MAP3K5: variants seen among roughly 807,000 people sequenced by gnomAD.
The protein encoded by MAP3K5 is ASK-1.
Under a neutral mutation model 158.7 loss-of-function variants are expected in MAP3K5, and 56 were observed. The observed-to-expected ratio is 0.35, with a 90% CI of 0.28 to 0.44. The LOEUF is 0.44. Among genes scored for constraint, MAP3K5 ranks in the 20% least tolerant of loss-of-function variants. MAP3K5 has a pLI of 1.00. For synonymous variants in MAP3K5, 579 were observed against 601.7 expected (o/e 0.96, Z 0.55); for missense variants, 1,294 against 1,674.8 (o/e 0.77, Z 3.97).
intron 1 of MAP3K5, among the ~76,000 whole-genome samples, chr6:136,767,632 C>T (rs1390701568): frequency 3.9e-5 from 6 of 152,008 alleles, no homozygotes; most frequent in East Asian, 3.9e-4. Context: ...GAAAGAATAT[C>T]GGGGACAGTT....
At chr6:136,708,453 A>G (rs1583455375) in intron 2 of MAP3K5, among the ~76,000 whole-genome samples, 1 of 151,944 alleles carries the variant, frequency 6.6e-6, no homozygotes, top group East Asian at 1.9e-4. Context: ...ATGGGGTTTC[A>G]CCATGTTTCC....
intron 21 of MAP3K5, among the ~76,000 whole-genome samples, chr6:136,593,031 T>C (rs1429720572): frequency 6.6e-6 from 1 of 152,188 alleles, no homozygotes; most frequent in Admixed American, 6.5e-5. Context: ...CATTAGCATC[T>C]TGGGGCTGCC....
At position 136,592,246 on chromosome 6, in the gene MAP3K5, C is replaced by A. The variant is rs753274119; in HGVS notation, c.3152G>T (p.Arg1051Leu). 1.9e-6 allele frequency: 3 copies of A among 1,612,428 alleles called. No individual in the cohort carries two copies. The highest frequency in any genetic ancestry group is 2.5e-6 in the Non-Finnish European group (3 of 1,179,332). ...CGTCAGGATCCTGTGAAGGGTAGCT[C>A]GCCTCTCACTGTCCTTCCTCAGCAT... The part of the protein sequence containing the change: ...FFMLRKDSER[R>L]ATLHRILTED... The change falls in exon 23 of 30, where the codon CGA (arginine) becomes CTA (leucine). Residue 1051 changes from arginine to leucine, a missense_variant. This residue lies in a region of MAP3K5 where 362 missense variants were observed against 463.2 expected (regional missense o/e 0.78). Transcript: ENST00000359015.
intron 1 of MAP3K5, among the ~76,000 whole-genome samples, chr6:136,750,459 C>T (rs1783156270): frequency 1.3e-5 from 2 of 152,192 alleles, no homozygotes; most frequent in South Asian, 4.1e-4. Flanking sequence ...ATAAATACCT[C>T]TTCTCATGCC....
chr6:136,717,630 C>A (rs909477685), intron 2 of MAP3K5, among the ~76,000 whole-genome samples: 2 of 152,206 alleles, frequency 1.3e-5, no homozygotes, highest in Non-Finnish European at 2.9e-5. Flanking sequence ...TCTTTCATGG[C>A]AGTTTTCCTA....
At chr6:136,735,767 TAC>T (rs1392747644) in intron 1 of MAP3K5, among the ~76,000 whole-genome samples, 1 of 152,028 alleles carries the variant, frequency 6.6e-6, no homozygotes, top group Non-Finnish European at 1.5e-5. Context: ...AGTTCAAGGT[TAC>T]AGTGAGCTAT....
intron 19 of MAP3K5, among the ~76,000 whole-genome samples, chr6:136,603,946 G>A (rs1170546747): frequency 4.6e-5 from 7 of 152,174 alleles, no homozygotes; most frequent in Non-Finnish European, 8.8e-5. Flanking sequence ...ACAACACATG[G>A]CCCCTCACAA....
chr6:136,754,724 C>G (rs1365094143), intron 1 of MAP3K5, among the ~76,000 whole-genome samples: 1 of 152,154 alleles, frequency 6.6e-6, no homozygotes, highest in Admixed American at 6.5e-5. Context: ...AAGAATGCTT[C>G]GGGAAGAACA....
intron 1 of MAP3K5, among the ~76,000 whole-genome samples, chr6:136,757,590 T>A (rs564923222): frequency 0.12 from 17,669 of 141,648 alleles, 1,454 homozygotes; most frequent in African/African-American, 0.24. Context: ...TTTTTTATTT[T>A]TTTTTTTTTT....
At chr6:136,564,641 A>T (rs1774011329) in intron 26 of MAP3K5, among the ~76,000 whole-genome samples, 1 of 152,222 alleles carries the variant, frequency 6.6e-6, no homozygotes, top group Admixed American at 6.5e-5. Context: ...GAACACAGTG[A>T]TGTTTTCTAG....
At chr6:136,582,667 T>C (rs1264066505) in intron 24 of MAP3K5, among the ~76,000 whole-genome samples, 2 of 152,238 alleles carry the variant, frequency 1.3e-5, no homozygotes, top group African/African-American at 2.4e-5. Flanking sequence ...TGGGGATCAT[T>C]TGATGTTGCA....
At chr6:136,658,305 C>CTTTTTTTTTTTTTTTTTTTT (rs201524930) in intron 9 of MAP3K5, among the ~76,000 whole-genome samples, 5 of 112,236 alleles carry the variant, frequency 4.5e-5, no homozygotes, top group African/African-American at 7.0e-5. Flanking sequence ...TTCTTTCTTT[C>CTTTTTTTTTTTTTTTTTTTT]TTTCTTTCTT....
intron 28 of MAP3K5, 96 bp downstream of exon 28, chr6:136,561,437 G>T: frequency 1.2e-6 from 1 of 855,804 alleles, no homozygotes; most frequent in Non-Finnish European, 1.9e-6. Context: ...GGTCTGATTT[G>T]CTCACCAGTG....
intron 1 of MAP3K5, among the ~76,000 whole-genome samples, chr6:136,728,359 T>TA (rs1230033052): frequency 1.3e-5 from 2 of 152,154 alleles, no homozygotes; most frequent in Non-Finnish European, 2.9e-5. Context: ...CATGTCCTGT[T>TA]AGAGTCTCCT....
At chr6:136,676,070 C>T (rs577034423) in intron 7 of MAP3K5, among the ~76,000 whole-genome samples, 1 of 152,304 alleles carries the variant, frequency 6.6e-6, no homozygotes, top group Admixed American at 6.5e-5. Flanking sequence ...CTCTGAATTG[C>T]TCCATATCTG....
chr6:136,793,040 T>C (rs963241646), upstream of MAP3K5, among the ~76,000 whole-genome samples: 9 of 152,148 alleles, frequency 5.9e-5, no homozygotes, highest in Non-Finnish European at 1.2e-4. Context: ...TACGAAGACC[T>C]GGAGCGCAAG....
chr6:136,650,133 AG>A (rs1422954839), intron 11 of MAP3K5, among the ~76,000 whole-genome samples: 2 of 152,218 alleles, frequency 1.3e-5, no homozygotes, highest in African/African-American at 4.8e-5. Context: ...CTGTTTCCCT[AG>A]GGTCTAACAC....
intron 23 of MAP3K5, among the ~76,000 whole-genome samples, chr6:136,589,256 C>T (rs532909314): frequency 1.3e-5 from 2 of 152,262 alleles, no homozygotes; most frequent in African/African-American, 2.4e-5. Context: ...GCAGCTATTT[C>T]CTCAGGACAC....
chr6:136,573,285 A>T (rs950098434), intron 25 of MAP3K5, among the ~76,000 whole-genome samples: 2 of 152,308 alleles, frequency 1.3e-5, no homozygotes, highest in East Asian at 3.9e-4. Flanking sequence ...GCTCTTGGAT[A>T]TCAGAGCTCT....
Sources: allele counts gnomAD v4.1 joint callset (sites outside exome capture counted in the v4.1 genomes callset), GRCh38; gene constraint gnomAD v4.1.1; regional missense constraint gnomAD v4.1.1; transcripts MANE v1.5; gene names NCBI Gene and HGNC (gene_info 2026-07-23, HGNC 2026-07-21).